SPECC1: variants seen among roughly 807,000 people sequenced by gnomAD.
SPECC1 encodes sperm antigen with calponin homology and coiled-coil domains 1, also known as cytospin-B.
SPECC1 carries 62 observed loss-of-function variants against 104.1 expected under a neutral mutation model. The observed-to-expected ratio is 0.60, with a 90% CI of 0.49 to 0.74. The LOEUF (loss-of-function observed/expected upper bound fraction) is 0.74. SPECC1 is among the 30% of genes least tolerant of loss of function. SPECC1 has a pLI of 0.00. For missense variants in SPECC1, 1,306 were observed against 1,310.5 expected, an observed-to-expected ratio of 1.00 and a Z score of 0.05; for synonymous variants, 513 against 501.6, an observed-to-expected ratio of 1.02 and a Z score of -0.30.
At position 20,298,948 on chromosome 17, in the gene SPECC1, A is replaced by AGAGAGTGTGTGTGT; in HGVS notation, c.3057+1872_3057+1873insAGAGTGTGTGTGTG. On this transcript the variant is annotated intron_variant, in intron 13 of 14. Coordinates refer to ENST00000395527, the MANE Select transcript of SPECC1 (RefSeq NM_001243439.2). ...GAGAGAGAGAGAGAGAGAGAGAGAG[A>AGAGAGTGTGTGTGT]GTGTGTGTGTGTGTGTGTGTGTGTA... is the stretch of plus-strand genomic sequence containing the variant. Among the ~76,000 whole-genome samples, 135 of 49,046 alleles carry AGAGAGTGTGTGTGT rather than the reference A, an allele frequency of 2.8e-3. 2 individuals carry two copies. The highest frequency in any genetic ancestry group is 9.9e-3 in the African/African-American group (107 of 10,788). The allele number at this position is 49,046 out of a possible 152,430, so 32.2% of individuals were successfully genotyped here. A position where few individuals can be genotyped will look rare whatever the true frequency, so the allele number is the denominator to read the frequency against.
chr17:20,260,811 G>A (rs551948437), intron 12 of SPECC1, among the ~76,000 whole-genome samples: 32 of 152,234 alleles, frequency 2.1e-4, no homozygotes, highest in African/African-American at 7.2e-4. Flanking sequence ...AATGTGGGCT[G>A]GGCTGGGTAG....
chr17:20,073,778 T>A (rs1282856179), intron 1 of SPECC1: 1 of 152,204 alleles, frequency 6.6e-6, no homozygotes, highest in Non-Finnish European at 1.5e-5. Context: ...GCTTCTGCTT[T>A]AGGTACAATG....
At position 20,310,723 on chromosome 17, in the gene SPECC1, G is replaced by T. The variant is rs557981011; in HGVS notation, c.3118-3253G>T. ...ACCAGGACAGCTGCTGCAGGACTGG[G>T]TGCTGGCATGCCCCCGTGGAGGGAG... On this transcript the variant is annotated intron_variant, in intron 14 of 14. Coordinates refer to ENST00000395527, the MANE Select transcript of SPECC1 (RefSeq NM_001243439.2). Among the ~76,000 whole-genome samples the T allele has an allele frequency of 9.3e-4, 142 of 152,364 alleles. 1 individual carries two copies. The highest frequency in any genetic ancestry group is 6.6e-4 in the Non-Finnish European group (45 of 68,036).
intron 3 of SPECC1, among the ~76,000 whole-genome samples, chr17:20,118,260 G>A (rs1356237590): frequency 2.6e-5 from 4 of 152,044 alleles, no homozygotes; most frequent in Non-Finnish European, 5.9e-5. Context: ...AGGACAAGTT[G>A]GTAATATCTA....
chr17:20,291,571 G>T (rs535740604), intron 12 of SPECC1, among the ~76,000 whole-genome samples: 1 of 152,160 alleles, frequency 6.6e-6, no homozygotes, highest in South Asian at 2.1e-4. Flanking sequence ...TTAAAAGACG[G>T]TTTTGCTCTG....
intron 1 of SPECC1, among the ~76,000 whole-genome samples, chr17:20,046,012 TA>T (rs11327439): frequency 0.28 from 40,356 of 144,054 alleles, 5,646 homozygotes; most frequent in Middle Eastern, 0.4. Context: ...TATACCTTTC[TA>T]AAAAAAAAAA....
intron 1 of SPECC1, among the ~76,000 whole-genome samples, chr17:20,059,295 G>A (rs181418012): frequency 6.6e-6 from 1 of 151,952 alleles, no homozygotes; most frequent in Admixed American, 6.6e-5. Context: ...CAGATCTTCC[G>A]GCATTAGAGT....
At chr17:20,075,883 G>A (rs1436070448) in intron 1 of SPECC1, among the ~76,000 whole-genome samples, 1 of 152,216 alleles carries the variant, frequency 6.6e-6, no homozygotes, top group East Asian at 1.9e-4. Context: ...GGAGGTTGAG[G>A]CTACAGTGAG....
chr17:20,033,444 C>A (rs1322454018), intron 1 of SPECC1, among the ~76,000 whole-genome samples: 1 of 152,108 alleles, frequency 6.6e-6, no homozygotes, highest in Non-Finnish European at 1.5e-5. Context: ...TAAAGGAATA[C>A]CTGAGGCTGG....
At chr17:20,054,471 G>C (rs1255128868) in intron 1 of SPECC1, among the ~76,000 whole-genome samples, 2 of 152,164 alleles carry the variant, frequency 1.3e-5, no homozygotes, top group Non-Finnish European at 2.9e-5. Flanking sequence ...TTTTCTGAAA[G>C]TTAGGCATTC....
intron 12 of SPECC1, among the ~76,000 whole-genome samples, chr17:20,287,140 G>A (rs1243802111): frequency 6.6e-6 from 1 of 152,192 alleles, no homozygotes; most frequent in Non-Finnish European, 1.5e-5. Flanking sequence ...GGCTTTGGCC[G>A]GGCGCGGGTG....
intron 13 of SPECC1, 32 bp from the exon 14 acceptor site, chr17:20,305,991 C>T: frequency 1.3e-6 from 2 of 1,599,510 alleles, no homozygotes; most frequent in Non-Finnish European, 1.7e-6. Flanking sequence ...TTTTAAATTA[C>T]TGATTCCAGT....
At chr17:20,108,775 G>A (rs566092533) in intron 2 of SPECC1, among the ~76,000 whole-genome samples, 7 of 152,174 alleles carry the variant, frequency 4.6e-5, no homozygotes. Flanking sequence ...ACATTCTTTT[G>A]AGGGACCTAT....
chr17:20,176,080 A>C (rs1357445907), intron 3 of SPECC1, among the ~76,000 whole-genome samples: 1 of 152,084 alleles, frequency 6.6e-6, no homozygotes, highest in South Asian at 2.1e-4. Context: ...CTGGAGCGAA[A>C]ATTCTTATCC....
At chr17:20,305,378 T>G (rs539455116) in intron 13 of SPECC1, among the ~76,000 whole-genome samples, 1 of 152,246 alleles carries the variant, frequency 6.6e-6, no homozygotes, top group East Asian at 1.9e-4. Context: ...AGGATATTAT[T>G]TAAGGTCACA....
intron 2 of SPECC1, among the ~76,000 whole-genome samples, chr17:20,100,939 GT>G (rs2047916654): frequency 6.6e-6 from 1 of 152,154 alleles, no homozygotes; most frequent in Admixed American, 6.5e-5. Flanking sequence ...TCCTGTGTTA[GT>G]TTGCTGAGAA....
chr17:20,298,753 G>A (rs923271557), intron 13 of SPECC1, among the ~76,000 whole-genome samples: 1 of 152,042 alleles, frequency 6.6e-6, no homozygotes, highest in East Asian at 1.9e-4. Context: ...TAGTTTGAAA[G>A]GGCCATTTTC....
intron 3 of SPECC1, among the ~76,000 whole-genome samples, chr17:20,160,952 G>A (rs1217796241): frequency 2.0e-5 from 3 of 152,166 alleles, no homozygotes; most frequent in African/African-American, 4.8e-5. Flanking sequence ...ACAAGTAGTG[G>A]TATACAGAAG....
intron 12 of SPECC1, among the ~76,000 whole-genome samples, chr17:20,280,827 C>T (rs925261563): frequency 6.6e-6 from 1 of 152,154 alleles, no homozygotes; most frequent in African/African-American, 2.4e-5. Context: ...GGTTTGCAAT[C>T]CCTACTTTTA....
Sources: gnomAD v4.1 joint callset for allele counts (sites outside exome capture counted in the v4.1 genomes callset) on GRCh38, gnomAD v4.1.1 for gene constraint, MANE v1.5 for transcripts, NCBI Gene and HGNC (gene_info 2026-07-23, HGNC 2026-07-21) for gene names.